The following ZDHHC14 variants were observed in gnomAD, a reference collection of about 807,000 sequenced individuals.
ZDHHC14 encodes palmitoyltransferase ZDHHC14.
Under a neutral mutation model 47.7 loss-of-function variants are expected in ZDHHC14, and 16 were observed. The observed-to-expected ratio is 0.34, with a 90% CI of 0.23 to 0.51. The LOEUF (loss-of-function observed/expected upper bound fraction) is 0.51, where lower values mean the gene tolerates loss of function less well. Ranked by LOEUF, ZDHHC14 falls within the 20% of genes least tolerant of loss-of-function variation. The pLI, the probability that ZDHHC14 is intolerant of heterozygous loss-of-function variation, is 0.97. For synonymous variants in ZDHHC14, 293 were observed against 278.9 expected, an observed-to-expected ratio of 1.05 and a Z score of -0.50; for missense variants, 515 against 662.5, an observed-to-expected ratio of 0.78 and a Z score of 2.44.
At chr6:157,577,953 G>A (rs758906447) in intron 2 of ZDHHC14, among the ~76,000 whole-genome samples, 1 of 152,248 alleles carries the variant, frequency 6.6e-6, no homozygotes, top group Non-Finnish European at 1.5e-5. Flanking sequence ...TAATGCTGTT[G>A]AGCATTTTTT....
intron 2 of ZDHHC14, among the ~76,000 whole-genome samples, chr6:157,574,780 A>G (rs1299483760): frequency 6.6e-6 from 1 of 152,206 alleles, no homozygotes; most frequent in African/African-American, 2.4e-5. Flanking sequence ...CTTGTATTCC[A>G]GATCCCTCCT....
At chr6:157,662,834 C>G (rs911616367) in intron 8 of ZDHHC14, among the ~76,000 whole-genome samples, 1 of 152,162 alleles carries the variant, frequency 6.6e-6, no homozygotes, top group African/African-American at 2.4e-5. Flanking sequence ...ATTTTAAGAC[C>G]TGGAAAAAAA....
At chr6:157,561,722 C>G (rs1331645609) in intron 2 of ZDHHC14, among the ~76,000 whole-genome samples, 1 of 152,140 alleles carries the variant, frequency 6.6e-6, no homozygotes, top group Non-Finnish European at 1.5e-5. Flanking sequence ...AGTGCAGTGG[C>G]GTGATCATGG....
chr6:157,568,756 A>C (rs1782998402), intron 2 of ZDHHC14, among the ~76,000 whole-genome samples: 1 of 152,196 alleles, frequency 6.6e-6, no homozygotes, highest in Non-Finnish European at 1.5e-5. Flanking sequence ...AAAGTATATG[A>C]GCATGCTTAT....
chr6:157,600,515 C>T (rs1414170748), intron 3 of ZDHHC14, among the ~76,000 whole-genome samples: 2 of 152,200 alleles, frequency 1.3e-5, no homozygotes, highest in Non-Finnish European at 2.9e-5. Context: ...AAGTGATTCT[C>T]CTGCCTCAGC....
At chr6:157,574,818 C>A (rs1220030483) in intron 2 of ZDHHC14, among the ~76,000 whole-genome samples, 1 of 152,194 alleles carries the variant, frequency 6.6e-6, no homozygotes, top group African/African-American at 2.4e-5. Context: ...TTCTTTCTTC[C>A]CTAGCCGATT....
Position 157,542,707 on chromosome 6 carries a change from C to T in ZDHHC14, c.368C>T (p.Ala123Val). The change falls in exon 2 of 9, where the codon GCC becomes GTC. Residue 123 changes from alanine (A) to valine (V), a missense_variant. Physicochemically the swap from Ala to Val is moderately conservative, Grantham distance 64. This residue lies in a region of ZDHHC14 where 229 missense variants were observed against 351.5 expected (regional missense o/e 0.65). Transcript: ENST00000359775. ...SFSDPGVLPR[A>V]TPDEAADLER... ...AGCGACCCCGGAGTCCTCCCACGAG[C>T]CACGCCTGATGAAGCCGCCGATCTG... 1 of 1,614,002 alleles carries T rather than the reference C, an allele frequency of 6.2e-7. No individual in the cohort carries two copies. The highest frequency in any genetic ancestry group is 8.5e-7 in the Non-Finnish European group (1 of 1,180,008).
intron 2 of ZDHHC14, among the ~76,000 whole-genome samples, chr6:157,569,119 A>G (rs929361884): frequency 9.9e-5 from 15 of 152,048 alleles, no homozygotes; most frequent in Non-Finnish European, 2.2e-4. Flanking sequence ...TGCCAAACTT[A>G]TGTGACAAGC....
intron 8 of ZDHHC14, among the ~76,000 whole-genome samples, chr6:157,663,005 T>C (rs1778409680): frequency 6.6e-6 from 1 of 152,240 alleles, no homozygotes; most frequent in Non-Finnish European, 1.5e-5. Flanking sequence ...GGGTTTTTCT[T>C]ACTTCATCAG....
rs1473615482 is a variant in ZDHHC14, at chr6:157,484,415, CATATACATAT to C, written c.246-58163_246-58154del. On this transcript the variant is annotated intron_variant, in intron 1 of 8. Transcript: ENST00000359775. ...GTATATATACATATATATGTATACA[CATATACATAT>C]ATATACGTATATATACATATATATG... Among the ~76,000 whole-genome samples, 161 of 142,294 alleles carry C rather than the reference CATATACATAT, an allele frequency of 1.1e-3. 1 individual carries two copies. Among genetic ancestry groups the C allele is most frequent in the Non-Finnish European group, 1.9e-3 (128 of 66,384 alleles). The allele number at this position is 142,294 out of a possible 152,430, so 93.4% of individuals were successfully genotyped here. A position where few individuals can be genotyped will look rare whatever the true frequency, so the allele number is the denominator to read the frequency against.
intron 3 of ZDHHC14, among the ~76,000 whole-genome samples, chr6:157,614,394 G>A (rs181505928): frequency 2.7e-4 from 41 of 150,250 alleles, no homozygotes; most frequent in African/African-American, 9.1e-4. Flanking sequence ...TGTAAGCAGT[G>A]ATCCATTTTA....
At chr6:157,479,901 C>T (rs374759788) in intron 1 of ZDHHC14, among the ~76,000 whole-genome samples, 4 of 152,316 alleles carry the variant, frequency 2.6e-5, no homozygotes, top group Admixed American at 1.3e-4. Context: ...AGCCTTCCCA[C>T]CTCCATGAGT....
intron 8 of ZDHHC14, among the ~76,000 whole-genome samples, chr6:157,672,196 AGTAACACTGTGT>A (rs1280980384): frequency 1.3e-5 from 2 of 152,216 alleles, no homozygotes; most frequent in African/African-American, 4.8e-5. Flanking sequence ...AGGCTGAATC[AGTAACACTGTGT>A]GTCTACACCG....
intron 1 of ZDHHC14, among the ~76,000 whole-genome samples, chr6:157,472,463 T>G (rs1167763920): frequency 5.9e-5 from 9 of 152,128 alleles, no homozygotes. Flanking sequence ...CAGACTATGC[T>G]GCTTGACCTA....
chr6:157,488,073 C>G (rs1403652612), intron 1 of ZDHHC14, among the ~76,000 whole-genome samples: 1 of 152,156 alleles, frequency 6.6e-6, no homozygotes, highest in Non-Finnish European at 1.5e-5. Flanking sequence ...GCCATCCCTC[C>G]CAGAGAGAAG....
At chr6:157,514,443 G>A (rs1366912376) in intron 1 of ZDHHC14, among the ~76,000 whole-genome samples, 1 of 152,218 alleles carries the variant, frequency 6.6e-6, no homozygotes, top group Admixed American at 6.5e-5. Flanking sequence ...GGGTTGGGAT[G>A]GAAGGTTCTG....
chr6:157,587,379 T>A (rs895883347), intron 2 of ZDHHC14, among the ~76,000 whole-genome samples: 3 of 152,210 alleles, frequency 2.0e-5, no homozygotes, highest in African/African-American at 7.2e-5. Context: ...TATTGCAGAA[T>A]CAGTTGCAAG....
intron 2 of ZDHHC14, among the ~76,000 whole-genome samples, chr6:157,564,104 C>A (rs1033200724): frequency 3.3e-5 from 5 of 152,174 alleles, no homozygotes; most frequent in African/African-American, 1.2e-4. Flanking sequence ...GTGAAATTGA[C>A]AAAAGAATTG....
At chr6:157,658,887 G>A (rs962262088) in intron 8 of ZDHHC14, among the ~76,000 whole-genome samples, 8 of 152,332 alleles carry the variant, frequency 5.3e-5, no homozygotes, top group Middle Eastern at 3.4e-3. Context: ...AAGAACTGCT[G>A]TTAATTCATC....
Sources: allele counts gnomAD v4.1 joint callset (sites outside exome capture counted in the v4.1 genomes callset), GRCh38; gene constraint gnomAD v4.1.1; regional missense constraint gnomAD v4.1.1; transcripts MANE v1.5; gene names NCBI Gene and HGNC (gene_info 2026-07-23, HGNC 2026-07-21).